The following NR4A3 variants were observed in gnomAD, a reference collection of about 807,000 sequenced individuals.
NR4A3 encodes chondrosarcoma, extraskeletal myxoid, fused to EWS.
NR4A3 carries 13 observed loss-of-function variants against 55.6 expected under a neutral mutation model. The ratio of observed to expected loss-of-function variants is 0.23; its 90% CI spans 0.15 to 0.37. NR4A3 has a LOEUF of 0.37. Among genes scored for constraint, NR4A3 ranks in the 10% least tolerant of loss-of-function variants. The probability of loss-of-function intolerance (pLI) is 1.00; values close to 1 mark genes in which losing one functional copy is unlikely to be tolerated. For synonymous variants in NR4A3, 342 were observed against 357.9 expected, an observed-to-expected ratio of 0.96 and a Z score of 0.50; for missense variants, 646 against 822.8, an observed-to-expected ratio of 0.79 and a Z score of 2.63.
intron 3 of NR4A3, among the ~76,000 whole-genome samples, chr9:99,831,302 G>C (rs953046889): frequency 6.6e-6 from 1 of 152,150 alleles, no homozygotes; most frequent in South Asian, 2.1e-4. Flanking sequence ...GGAAACACAC[G>C]TTTCCTACCC....
At chr9:99,823,240 G>C (rs1827217548) in intron 1 of NR4A3, among the ~76,000 whole-genome samples, 1 of 152,082 alleles carries the variant, frequency 6.6e-6, no homozygotes, top group Admixed American at 6.5e-5. Flanking sequence ...TTTACTCTTA[G>C]TAGAAATGAA....
rs1587872680 is a variant in NR4A3 at position 99,828,485 on chromosome 9, TC to T, written c.449del (p.Pro150ArgfsTer28). The T allele has an allele frequency of 2.6e-6, 4 of 1,564,618 alleles. No individual in the cohort carries two copies. Among genetic ancestry groups the T allele is most frequent in the Admixed American group, 1.9e-5 (1 of 53,468 alleles). ...SPPSTPTTPA[F>X]PPQAGALWDE... ...CCGTCCACCCCCACCACGCCGGCCT[TC>T]CCCCCGCAGGCGGGGGCGTTATGGG... On this transcript the variant is annotated frameshift_variant, in exon 3 of 8. Coordinates refer to ENST00000395097, the MANE Select transcript of NR4A3 (RefSeq NM_006981.4). LOFTEE classifies it high-confidence loss of function. This position sits in a 1 kb window ranked among gnomAD's most constrained non-coding sequence, Gnocchi z 7.7.
intron 5 of NR4A3, 35 bp downstream of exon 5, chr9:99,833,489 A>G (rs1231179023): frequency 6.2e-7 from 1 of 1,614,084 alleles, no homozygotes. Context: ...CAAATGAATG[A>G]TCAGGGTCTC....
chr9:99,855,432 G>C (rs1172404163), intron 7 of NR4A3, among the ~76,000 whole-genome samples: 1 of 152,120 alleles, frequency 6.6e-6, no homozygotes, highest in Non-Finnish European at 1.5e-5. Flanking sequence ...ATGAATTCTT[G>C]AAAATTGCCT....
chr9:99,826,878 A>C, intron 2 of NR4A3: 1 of 1,392,172 alleles, frequency 7.2e-7, no homozygotes, highest in Non-Finnish European at 1.0e-6. Flanking sequence ...TAGACTCCAA[A>C]GAGGCGTTAA....
chr9:99,847,353 T>G (rs1485624279), intron 6 of NR4A3, 84 bp from the exon 7 acceptor site: 2 of 1,324,740 alleles, frequency 1.5e-6, no homozygotes, highest in East Asian at 4.6e-5. Context: ...CCCATGGCTG[T>G]CTGTGTGCCT....
chr9:99,836,309 G>T (rs1827559809), intron 5 of NR4A3, among the ~76,000 whole-genome samples: 1 of 152,192 alleles, frequency 6.6e-6, no homozygotes, highest in Non-Finnish European at 1.5e-5. Flanking sequence ...TGGCAAAGTG[G>T]TTCATGTTAA....
At position 99,862,572 on chromosome 9, in the gene NR4A3, AAAAAAAAAAAAG is replaced by A. The variant is rs1371931595; in HGVS notation, c.1634-1046_1634-1035del. 3.0e-3 allele frequency among the ~76,000 whole-genome samples: 293 copies of A among 97,484 alleles called. 5 individuals are homozygous for A. Among genetic ancestry groups the A allele is most frequent in the African/African-American group, 0.013 (276 of 21,252 alleles). The allele number at this position is 97,484 out of a possible 152,430, so 64.0% of individuals were successfully genotyped here. On this transcript the variant is annotated intron_variant, in intron 7 of 7. Transcript: ENST00000395097. ...CTCAAAAAAAAAAAAAAAAAAAAAAAAAAAAAAAAAAGAGAGAGAAATGAGGCTCTGAAGTCT... is the reference window on the plus strand; with the variant it reads ...CTCAAAAAAAAAAAAAAAAAAAAAAAAGAGAGAAATGAGGCTCTGAAGTCT...
At chr9:99,843,566 C>T (rs950149799) in intron 5 of NR4A3, among the ~76,000 whole-genome samples, 1 of 152,140 alleles carries the variant, frequency 6.6e-6, no homozygotes, top group African/African-American at 2.4e-5. Context: ...TGCCTGTAAT[C>T]CCAGTACTTC....
At chr9:99,826,884 G>A (rs544697765) in intron 2 of NR4A3, 45 of 1,324,164 alleles carry the variant, frequency 3.4e-5, no homozygotes, top group Admixed American at 1.1e-4. Context: ...CCAAAGAGGC[G>A]TTAAGCACCT....
At position 99,847,505 on chromosome 9, in the gene NR4A3, G is replaced by A. The variant is rs753694307; in HGVS notation, c.1523G>A (p.Arg508His). ...GLVLHRLQCL[R>H]GFGEWLDSIK... ...GTCCTGCATCGACTTCAGTGCCTTC[G>A]TGGATTTGGGGAGTGGCTCGACTCT... The change falls in exon 7 of 8, where the codon CGT becomes CAT. Residue 508 changes from arginine (R) to histidine (H), a missense_variant. Coordinates refer to ENST00000395097, the MANE Select transcript of NR4A3 (RefSeq NM_006981.4). The A allele has an allele frequency of 1.8e-5, 29 of 1,614,004 alleles. No individual in the cohort carries two copies. Among genetic ancestry groups the A allele is most frequent in the Non-Finnish European group, 2.3e-5 (27 of 1,180,020 alleles).
chr9:99,860,764 G>T (rs946957983), intron 7 of NR4A3, among the ~76,000 whole-genome samples: 5 of 152,316 alleles, frequency 3.3e-5, no homozygotes, highest in African/African-American at 1.2e-4. Flanking sequence ...ATTAGGCCAC[G>T]AATTGCTTTT....
rs1019115994 is a variant in NR4A3 at position 99,825,653 on chromosome 9, C to T, written c.-176-6C>T. On this transcript the variant is annotated splice_polypyrimidine_tract_variant and splice_region_variant and intron_variant, in intron 1 of 7. Coordinates refer to ENST00000395097, the MANE Select transcript of NR4A3 (RefSeq NM_006981.4). This position sits in a 1 kb window ranked among gnomAD's most constrained non-coding sequence, Gnocchi z 5.0. The stretch of plus-strand genomic sequence containing the variant: ...TGACCTATGTCCTCTTTCACCTTGC[C>T]TGTAGAGCCCACTGCGGAAGAGGGC... 3 of 156,244 alleles carry T rather than the reference C, an allele frequency of 1.9e-5. No individual in the cohort carries two copies. Among genetic ancestry groups the T allele is most frequent in the Non-Finnish European group, 4.3e-5 (3 of 70,092 alleles). 9.7% of individuals were successfully genotyped at this position (156,244 alleles called of 1,614,324 possible). A position where few individuals can be genotyped will look rare whatever the true frequency, so the allele number is the denominator to read the frequency against.
At chr9:99,850,014 G>A (rs1827820699) in intron 7 of NR4A3, among the ~76,000 whole-genome samples, 1 of 152,172 alleles carries the variant, frequency 6.6e-6, no homozygotes, top group South Asian at 2.1e-4. Flanking sequence ...TGAGAATCCA[G>A]GCATAAACAT....
chr9:99,833,228 G>T (rs1827482437), intron 4 of NR4A3, 54 bp from the exon 5 acceptor site: 3 of 1,531,510 alleles, frequency 2.0e-6, no homozygotes, highest in African/African-American at 2.8e-5. Flanking sequence ...GCGATTTATG[G>T]TCGTTCATTC....
In NR4A3 at chr9:99,822,543, T is replaced by C. The variant is rs1025996124; in HGVS notation, c.-177+136T>C. 7.2e-5 allele frequency: 11 copies of C among 152,410 alleles called. No individual in the cohort carries two copies. The highest frequency in any genetic ancestry group is 2.7e-4 in the African/African-American group (11 of 41,458). The allele number at this position is 152,410 out of a possible 1,614,324, so 9.4% of individuals were successfully genotyped here. A position where few individuals can be genotyped will look rare whatever the true frequency, so the allele number is the denominator to read the frequency against. ...CCTTGCCGCCCGGCTCCGGCTTTGC[T>C]AGCCCAGCGGCCCGTAGGTTCTGAT... is the stretch of plus-strand genomic sequence containing the variant. On this transcript the variant is annotated intron_variant, in intron 1 of 7. Coordinates refer to ENST00000395097, the MANE Select transcript of NR4A3 (RefSeq NM_006981.4). This position sits in a 1 kb window ranked among gnomAD's most constrained non-coding sequence, Gnocchi z 4.9.
At chr9:99,830,786 A>C (rs1445698491) in intron 3 of NR4A3, among the ~76,000 whole-genome samples, 1 of 152,250 alleles carries the variant, frequency 6.6e-6, no homozygotes, top group South Asian at 2.1e-4. Context: ...GGCAGCAGAA[A>C]GGGGGAAAGA....
chr9:99,861,395 T>C (rs575989328), intron 7 of NR4A3, among the ~76,000 whole-genome samples: 10 of 152,190 alleles, frequency 6.6e-5, no homozygotes, highest in Admixed American at 4.6e-4. Context: ...TGGCACACAC[T>C]TGTAATCCCA....
intron 5 of NR4A3, among the ~76,000 whole-genome samples, chr9:99,844,065 G>A (rs1473303236): frequency 2.3e-5 from 3 of 131,442 alleles, no homozygotes; most frequent in East Asian, 2.7e-4. Context: ...CGCCCAGGCC[G>A]AAATTATCAC....
Sources: allele counts gnomAD v4.1 joint callset (sites outside exome capture counted in the v4.1 genomes callset), GRCh38; gene constraint gnomAD v4.1.1; non-coding constraint Gnocchi (gnomAD v3.1); transcripts MANE v1.5; gene names NCBI Gene and HGNC (gene_info 2026-07-23, HGNC 2026-07-21).